Variants in SNX29 observed in about 807,000 individuals in gnomAD.
SNX29 encodes the protein sorting nexin 29, also known as sorting nexin-29.
A neutral mutation model predicts 102.1 loss-of-function variants in SNX29; 78 were observed. That is an observed-to-expected ratio of 0.76 (90% CI 0.64 to 0.92). The LOEUF is 0.92. Among genes scored for constraint, SNX29 ranks in the 40% least tolerant of loss-of-function variants. The pLI is 0.00. For missense variants in SNX29, 1,280 were observed against 1,061.7 expected, an observed-to-expected ratio of 1.21 and a Z score of -2.86; for synonymous variants, 580 against 414.5, an observed-to-expected ratio of 1.40 and a Z score of -4.85.
chr16:11,993,122 G>A (rs959923222), intron 1 of SNX29, among the ~76,000 whole-genome samples: 1 of 151,744 alleles, frequency 6.6e-6, no homozygotes, highest in African/African-American at 2.4e-5. Context: ...AAGAGATGGC[G>A]CCACCGTACT....
intron 16 of SNX29, among the ~76,000 whole-genome samples, chr16:12,385,573 A>G (rs1357038372): frequency 6.6e-6 from 1 of 152,186 alleles, no homozygotes; most frequent in Non-Finnish European, 1.5e-5. Flanking sequence ...CTGCCAGGTG[A>G]CATTTGCAGG....
At chr16:12,403,781 C>T (rs1027718171) in intron 18 of SNX29, among the ~76,000 whole-genome samples, 1 of 152,204 alleles carries the variant, frequency 6.6e-6, no homozygotes, top group Non-Finnish European at 1.5e-5. Context: ...TCAGCTCAGA[C>T]TGCATGAGCA....
At chr16:12,176,763 G>T (rs543444417) in intron 13 of SNX29, among the ~76,000 whole-genome samples, 55 of 152,220 alleles carry the variant, frequency 3.6e-4, no homozygotes, top group African/African-American at 1.3e-3. Flanking sequence ...TTGTTTTAGT[G>T]TGAATTGTGA....
intron 18 of SNX29, among the ~76,000 whole-genome samples, chr16:12,403,920 C>A (rs112437505): frequency 6.6e-6 from 1 of 152,148 alleles, no homozygotes; most frequent in Non-Finnish European, 1.5e-5. Context: ...GTGACCCTCT[C>A]AGGCCAGCTG....
intron 15 of SNX29, among the ~76,000 whole-genome samples, chr16:12,329,720 T>A (rs2081239951): frequency 6.6e-6 from 1 of 152,264 alleles, no homozygotes; most frequent in Non-Finnish European, 1.5e-5. Context: ...ACGAGTCCTC[T>A]GCTTCAGATC....
At chr16:12,266,895 C>T (rs2078944920) in intron 14 of SNX29, among the ~76,000 whole-genome samples, 1 of 152,112 alleles carries the variant, frequency 6.6e-6, no homozygotes, top group African/African-American at 2.4e-5. Flanking sequence ...TCCTGAGTAG[C>T]TGGGATTACA....
intron 11 of SNX29, among the ~76,000 whole-genome samples, chr16:12,121,447 C>T (rs550208237): frequency 2.0e-5 from 3 of 152,382 alleles, no homozygotes; most frequent in Admixed American, 6.5e-5. Context: ...CACTGCAGGT[C>T]GGCCCGCACT....
chr16:12,482,198 G>A (rs569216235), intron 19 of SNX29, among the ~76,000 whole-genome samples: 16 of 152,300 alleles, frequency 1.1e-4, no homozygotes, highest in East Asian at 3.9e-4. Context: ...TCACTTGTCC[G>A]CCTGGACCAT....
intron 18 of SNX29, among the ~76,000 whole-genome samples, chr16:12,435,333 G>C (rs1323674018): frequency 2.6e-5 from 4 of 152,198 alleles, no homozygotes; most frequent in Non-Finnish European, 1.5e-5. Context: ...TTAAAATTCT[G>C]AAGTGTTCTC....
At chr16:12,089,936 C>T (rs2052424912) in intron 11 of SNX29, 1 of 275,530 alleles carries the variant, frequency 3.6e-6, no homozygotes, top group Non-Finnish European at 7.2e-6. Context: ...ACTTAGCGGC[C>T]ATACTCTCAG....
chr16:12,568,461 C>A (rs758635222), intron 20 of SNX29, 45 bp from the exon 21 acceptor site: 3 of 1,602,996 alleles, frequency 1.9e-6, no homozygotes, highest in Admixed American at 1.7e-5. Flanking sequence ...TGGTCATTTG[C>A]TTTTCATCCC....
chr16:12,037,631 T>C (rs2151160774), intron 4 of SNX29, among the ~76,000 whole-genome samples: 2 of 152,084 alleles, frequency 1.3e-5, no homozygotes, highest in Middle Eastern at 6.8e-3. Context: ...GTGTTTCCCG[T>C]AGGAAAGCGG....
intron 20 of SNX29, among the ~76,000 whole-genome samples, chr16:12,545,097 G>C (rs916164324): frequency 6.6e-6 from 1 of 152,180 alleles, no homozygotes; most frequent in African/African-American, 2.4e-5. Context: ...ATCAGACCCA[G>C]GCTGCAGTAG....
At chr16:12,299,627 A>C (rs189517029) in intron 15 of SNX29, among the ~76,000 whole-genome samples, 1 of 151,974 alleles carries the variant, frequency 6.6e-6, no homozygotes. Flanking sequence ...TGGGTTGGCT[A>C]TTGTTTCTAG....
At chr16:12,032,159 G>A (rs950755371) in intron 4 of SNX29, among the ~76,000 whole-genome samples, 17 of 149,646 alleles carry the variant, frequency 1.1e-4, no homozygotes, top group Non-Finnish European at 1.9e-4. Flanking sequence ...TTCAAGGATC[G>A]TCCGTGTTGT....
At chr16:12,366,704 A>G (rs2082496433) in intron 16 of SNX29, among the ~76,000 whole-genome samples, 1 of 148,544 alleles carries the variant, frequency 6.7e-6, no homozygotes, top group South Asian at 2.2e-4. Context: ...CACTCTCTCC[A>G]TTTCTCCTCC....
rs1248617334 is a variant in SNX29, at chr16:12,574,231, A to G, written c.*5602A>G. 6 of 177,182 alleles carry G rather than the reference A, an allele frequency of 3.4e-5. No homozygotes were observed. Among genetic ancestry groups the G allele is most frequent in the East Asian group, 9.5e-5 (1 of 10,526 alleles). 11.0% of individuals were successfully genotyped at this position (177,182 alleles called of 1,614,324 possible). On this transcript the variant is annotated 3_prime_UTR_variant, in exon 21 of 21. Coordinates refer to ENST00000566228, the MANE Select transcript of SNX29 (RefSeq NM_032167.5). ...GAAATTTTGTTACAACCTGGTTGAG[A>G]TCAACCTCTTTACAATGACACAAAT...
At chr16:12,460,139 G>A (rs997858470) in intron 18 of SNX29, among the ~76,000 whole-genome samples, 1 of 152,136 alleles carries the variant, frequency 6.6e-6, no homozygotes, top group Non-Finnish European at 1.5e-5. Flanking sequence ...GCTGAATCAC[G>A]ACCTCCCCAG....
intron 20 of SNX29, among the ~76,000 whole-genome samples, chr16:12,553,593 A>AC (rs1401189130): frequency 1.0e-5 from 1 of 97,626 alleles, no homozygotes; most frequent in African/African-American, 3.9e-5. Flanking sequence ...TTTGTTCCCC[A>AC]CCCCCCACCC....
Sources: allele counts gnomAD v4.1 joint callset (sites outside exome capture counted in the v4.1 genomes callset), GRCh38; gene constraint gnomAD v4.1.1; transcripts MANE v1.5; gene names NCBI Gene and HGNC (gene_info 2026-07-23, HGNC 2026-07-21).